The following CNBD2 variants were observed in gnomAD, a reference collection of about 807,000 sequenced individuals.
CNBD2 encodes cyclic nucleotide-binding domain-containing protein 2.
CNBD2 carries 64 observed loss-of-function variants against 63.7 expected under a neutral mutation model. That is an observed-to-expected ratio of 1.00 (90% confidence interval 0.82 to 1.24). The LOEUF is 1.24. Ranked by LOEUF, CNBD2 falls within the 50% of genes most tolerant of loss-of-function variation. CNBD2 has a pLI of 0.00. For synonymous variants in CNBD2, 229 were observed against 255.4 expected, an observed-to-expected ratio of 0.90 and a Z score of 0.99; for missense variants, 691 against 713.5, an observed-to-expected ratio of 0.97 and a Z score of 0.36.
chr20:36,014,182 CAAA>C (rs1398212585), intron 10 of CNBD2, among the ~76,000 whole-genome samples: 1 of 94,870 alleles, frequency 1.1e-5, no homozygotes, highest in Non-Finnish European at 2.0e-5. Flanking sequence ...GACTCCATCT[CAAA>C]AAAAAAAAAA....
Position 36,008,405 on chromosome 20 carries a change from G to A in CNBD2, c.1079G>A (p.Gly360Glu), listed in dbSNP as rs771463451. The A allele has an allele frequency of 2.5e-6, 4 of 1,614,028 alleles. No individual in the cohort carries two copies. The East Asian group carries it at 6.7e-5, about 27-fold the overall frequency. Residue 360 changes from glycine (G) to glutamate (E), a missense_variant, in exon 9 of 12, where the codon GGG becomes GAG. Gly to Glu is a moderately conservative substitution (Grantham distance 98). Coordinates refer to ENST00000373973, the MANE Select transcript of CNBD2 (RefSeq NM_001365709.1). ...CTCAAAAAAGCCTGGGGGCTACAGGGGACAAGCTTCAGCAGGAAGATCAGA... is the reference window on the plus strand; with the variant it reads ...CTCAAAAAAGCCTGGGGGCTACAGGAGACAAGCTTCAGCAGGAAGATCAGA... ...PHLKKAWGLQ[G>E]TSFSRKIRTS...
Position 36,008,411 on chromosome 20 carries a change from G to A in CNBD2, c.1085G>A (p.Ser362Asn). ...LKKAWGLQGT[S>N]FSRKIRTSGD... is the part of the protein sequence containing the mutation. ...AAAGCCTGGGGGCTACAGGGGACAA[G>A]CTTCAGCAGGAAGATCAGAACCTCA... The change falls in exon 9 of 12, where the codon AGC (serine) becomes AAC (asparagine). Residue 362 changes from serine to asparagine, a missense_variant. Physicochemically the swap from Ser to Asn is conservative, Grantham distance 46. Transcript: ENST00000373973. The A allele has an allele frequency of 6.2e-7, 1 of 1,614,122 alleles. No individual in the cohort carries two copies. Among genetic ancestry groups the A allele is most frequent in the African/African-American group, 1.3e-5 (1 of 75,036 alleles).
chr20:35,992,726 A>AT (rs1228316494), intron 7 of CNBD2, among the ~76,000 whole-genome samples: 1 of 152,132 alleles, frequency 6.6e-6, no homozygotes, highest in Non-Finnish European at 1.5e-5. Context: ...ACAACAAGCC[A>AT]TATTTTGGTA....
chr20:36,016,639 A>C (rs1175889594), intron 10 of CNBD2, among the ~76,000 whole-genome samples: 1 of 152,044 alleles, frequency 6.6e-6, no homozygotes, highest in Non-Finnish European at 1.5e-5. Flanking sequence ...AAAATACAGA[A>C]TTAGCCAGGT....
At chr20:35,964,832 A>G (rs2056333513), upstream of CNBD2, among the ~76,000 whole-genome samples, 1 of 151,854 alleles carries the variant, frequency 6.6e-6, no homozygotes, top group South Asian at 2.1e-4. Flanking sequence ...CCTCCCAAGT[A>G]GCTGGGACTA....
At chr20:36,017,180 G>A (rs1199176789) in intron 10 of CNBD2, among the ~76,000 whole-genome samples, 1 of 152,106 alleles carries the variant, frequency 6.6e-6, no homozygotes, top group African/African-American at 2.4e-5. Flanking sequence ...AGAGGAGGAG[G>A]AGCAGTGTGC....
downstream of CNBD2, among the ~76,000 whole-genome samples, chr20:35,958,038 C>T (rs1165454124): frequency 2.0e-5 from 3 of 152,194 alleles, no homozygotes; most frequent in Admixed American, 2.0e-4. Context: ...GACCTCAGTG[C>T]CTTTTGATGG....
At chr20:35,996,864 A>G (rs902821130) in intron 8 of CNBD2, among the ~76,000 whole-genome samples, 17 of 152,204 alleles carry the variant, frequency 1.1e-4, no homozygotes, top group Admixed American at 2.0e-4. Flanking sequence ...AAACTGGCTC[A>G]TAGGGCAAAT....
chr20:35,983,213 C>A (rs2056619906), intron 4 of CNBD2, among the ~76,000 whole-genome samples: 1 of 127,946 alleles, frequency 7.8e-6, no homozygotes, highest in South Asian at 2.5e-4. Flanking sequence ...AATGATCCTC[C>A]CACCTTGGCC....
chr20:36,016,969 G>A (rs978404720), intron 10 of CNBD2, among the ~76,000 whole-genome samples: 1 of 151,282 alleles, frequency 6.6e-6, no homozygotes, highest in South Asian at 2.1e-4. Context: ...TGGGGTGGGA[G>A]GATTGCTTGA....
At chr20:35,959,048 CT>C (rs1461309906), downstream of CNBD2, 2 of 152,122 alleles carry the variant, frequency 1.3e-5, no homozygotes, top group African/African-American at 4.8e-5. Flanking sequence ...TTGTCTCCAC[CT>C]TTGAGCTGTT....
At chr20:35,973,212 A>G (rs1210994545) in intron 2 of CNBD2, 1 of 187,106 alleles carries the variant, frequency 5.3e-6, no homozygotes, top group East Asian at 1.3e-4. Flanking sequence ...ACCTCCCTCC[A>G]TGTGGAAAGA....
chr20:36,001,760 G>A (rs1183844550), intron 8 of CNBD2, among the ~76,000 whole-genome samples: 1 of 151,474 alleles, frequency 6.6e-6, no homozygotes, highest in Non-Finnish European at 1.5e-5. Flanking sequence ...TCCCAGACGG[G>A]GTGGCGGGGC....
At chr20:36,006,210 A>G (rs1227745349) in intron 8 of CNBD2, among the ~76,000 whole-genome samples, 1 of 151,538 alleles carries the variant, frequency 6.6e-6, no homozygotes, top group Non-Finnish European at 1.5e-5. Flanking sequence ...TTGTATCTTT[A>G]GTAGAGATGG....
At chr20:35,975,832 G>A in intron 2 of CNBD2, 117 bp from the exon 3 acceptor site, 1 of 899,844 alleles carries the variant, frequency 1.1e-6, no homozygotes, top group Admixed American at 2.1e-5. Context: ...CTGCTATGAG[G>A]TTTCCCATGG....
rs372249420 is a variant in CNBD2, at chr20:35,970,139, T to C, written c.51+1326T>C. 6.6e-5 allele frequency among the ~76,000 whole-genome samples: 10 copies of C among 152,300 alleles called. No individual in the cohort carries two copies. In the East Asian group the frequency reaches 1.7e-3, roughly 26 times the overall value. On this transcript the variant is annotated intron_variant, in intron 1 of 11. Coordinates refer to ENST00000373973, the MANE Select transcript of CNBD2 (RefSeq NM_001365709.1). ...ACCCCCTCTTTACAAACAATGTAAA[T>C]ATAAATACAAATGAATAAAAACAAT...
chr20:36,015,046 A>G (rs2057116381), intron 10 of CNBD2, among the ~76,000 whole-genome samples: 1 of 152,214 alleles, frequency 6.6e-6, no homozygotes, highest in Non-Finnish European at 1.5e-5. Flanking sequence ...TCTTTTTGAT[A>G]GTAACCATTT....
intron 4 of CNBD2, among the ~76,000 whole-genome samples, chr20:35,980,865 A>G (rs566435990): frequency 6.6e-6 from 1 of 152,350 alleles, no homozygotes; most frequent in East Asian, 1.9e-4. Context: ...AACCTCAGAG[A>G]GGATCTGGTC....
At position 35,984,107 on chromosome 20, in the gene CNBD2, C is replaced by T. The variant is rs551779036; in HGVS notation, c.533C>T (p.Pro178Leu). Residue 178 changes from proline (P) to leucine (L), a missense_variant, in exon 5 of 12, where the codon CCG (proline) becomes CTG (leucine). Coordinates refer to ENST00000373973, the MANE Select transcript of CNBD2 (RefSeq NM_001365709.1). Reference protein sequence around the residue: ...DGSSAFLDPHPKLLHKGSCFG... With the variant: ...DGSSAFLDPHLKLLHKGSCFG... ...AGCAGTGCCTTCCTAGATCCCCACC[C>T]GAAATTGCTGCACAAGGGTAGCTGT... is the stretch of plus-strand genomic sequence containing the variant. 2.4e-5 allele frequency: 39 copies of T among 1,611,884 alleles called. No homozygotes were observed. The highest frequency in any genetic ancestry group is 3.1e-5 in the Non-Finnish European group (37 of 1,178,820).
Sources: allele counts gnomAD v4.1 joint callset (sites outside exome capture counted in the v4.1 genomes callset), GRCh38; gene constraint gnomAD v4.1.1; transcripts MANE v1.5; gene names NCBI Gene and HGNC (gene_info 2026-07-23, HGNC 2026-07-21).